HSD17B14: variants seen among roughly 807,000 people sequenced by gnomAD.
HSD17B14 encodes hydroxysteroid 17-beta dehydrogenase 14.
HSD17B14 carries 32 observed loss-of-function variants against 32.2 expected under a neutral mutation model. That is an observed-to-expected ratio of 0.99 (90% CI 0.75 to 1.33). The LOEUF (loss-of-function observed/expected upper bound fraction) is 1.33, where lower values mean the gene tolerates loss of function less well. Ranked by LOEUF, HSD17B14 falls within the 40% of genes most tolerant of loss-of-function variation. HSD17B14 has a pLI of 0.00. For missense variants in HSD17B14, 370 were observed against 366.5 expected (o/e 1.01, Z -0.08); for synonymous variants, 140 against 155.4 (o/e 0.90, Z 0.74).
chr19:48,827,366 T>G (rs1299174386), intron 5 of HSD17B14, among the ~76,000 whole-genome samples: 1 of 151,992 alleles, frequency 6.6e-6, no homozygotes, highest in Non-Finnish European at 1.5e-5. Context: ...TCTTCTGTTG[T>G]GTGTTCATAG....
chr19:48,813,316 G>A lies in HSD17B14; in HGVS notation c.672C>T (p.Val224=), dbSNP rs1446411364. The A allele has an allele frequency of 2.5e-6, 4 of 1,594,886 alleles. No individual in the cohort carries two copies. In the South Asian group the frequency reaches 3.4e-5, roughly 14 times the overall value. Residue 224 remains valine (V), a synonymous_variant, in exon 9 of 9, where the codon GTC becomes GTT. Transcript: ENST00000263278. ...AGGCCAGGAACACTGCCGCAGCCCC[G>A]ACCTCAGCGGGCTGGCCCATGCGGC... The part of the protein sequence containing the change: ...PLGRMGQPAE[V]GAAAVFLASE...
intron 2 of HSD17B14, 100 bp downstream of exon 2, chr19:48,835,705 G>C: frequency 5.8e-6 from 7 of 1,198,964 alleles, no homozygotes; most frequent in Non-Finnish European, 8.6e-6. Flanking sequence ...AGGGCCTGGG[G>C]GCCTGGACTC....
chr19:48,834,517 T>A (rs112701517), intron 2 of HSD17B14, among the ~76,000 whole-genome samples, 159 bp from the exon 3 acceptor site: 30 of 50,478 alleles, frequency 5.9e-4, no homozygotes, highest in South Asian at 9.7e-4. Flanking sequence ...TCTGAGGAAG[T>A]AGGGCCTGGG....
intron 4 of HSD17B14, 127 bp downstream of exon 4, chr19:48,832,539 C>G: frequency 1.2e-6 from 1 of 834,064 alleles, no homozygotes; most frequent in Non-Finnish European, 2.0e-6. Context: ...ACTCTCCTGT[C>G]CAAGTGGCTA....
chr19:48,831,247 C>T (rs1275522691), intron 5 of HSD17B14, among the ~76,000 whole-genome samples: 1 of 152,148 alleles, frequency 6.6e-6, no homozygotes, highest in Non-Finnish European at 1.5e-5. Flanking sequence ...TAGAGATTCG[C>T]AGTCATTTAT....
rs375735746 is a variant in HSD17B14 at position 48,821,170 on chromosome 19, G to A, written c.370-6029C>T. Among the ~76,000 whole-genome samples the A allele has an allele frequency of 5.9e-5, 9 of 151,916 alleles. No individual in the cohort carries two copies. The East Asian group carries it at 9.7e-4, about 16-fold the overall frequency. On this transcript the variant is annotated intron_variant, in intron 5 of 8. Transcript: ENST00000263278. Reference sequence around the variant, plus strand: ...TGGGACTACAGGCGCCCGCTACCACGCCCAGCTAATTTTTTGTATTTTTTA... The same window carrying A: ...TGGGACTACAGGCGCCCGCTACCACACCCAGCTAATTTTTTGTATTTTTTA...
intron 5 of HSD17B14, among the ~76,000 whole-genome samples, chr19:48,830,816 C>G (rs913789522): frequency 7.0e-6 from 1 of 142,210 alleles, no homozygotes; most frequent in Non-Finnish European, 1.5e-5. Flanking sequence ...AGCTACTGGA[C>G]CTGGCCTATT....
At chr19:48,818,327 A>G (rs1418501399) in intron 5 of HSD17B14, among the ~76,000 whole-genome samples, 1 of 150,574 alleles carries the variant, frequency 6.6e-6, no homozygotes, top group East Asian at 2.0e-4. Flanking sequence ...AGAAAAAAGA[A>G]AAAAGAAAAA....
intron 3 of HSD17B14, among the ~76,000 whole-genome samples, chr19:48,833,208 GGA>G (rs2035375889): frequency 6.6e-6 from 1 of 151,140 alleles, no homozygotes; most frequent in African/African-American, 2.4e-5. Flanking sequence ...CAGGCAAGCA[GGA>G]GACAGGAAGG....
chr19:48,829,797 C>T (rs1425974207), intron 5 of HSD17B14, among the ~76,000 whole-genome samples: 1 of 151,698 alleles, frequency 6.6e-6, no homozygotes, highest in Admixed American at 6.6e-5. Flanking sequence ...GCATGTGCCA[C>T]CACACCCGGC....
chr19:48,816,540 T>C (rs1274199901), intron 5 of HSD17B14, among the ~76,000 whole-genome samples: 8 of 152,216 alleles, frequency 5.3e-5, no homozygotes, highest in Middle Eastern at 6.8e-3. Flanking sequence ...GGACATGGTA[T>C]TTTCAGTCCA....
At chr19:48,814,790 A>G (rs2035022096) in intron 6 of HSD17B14, among the ~76,000 whole-genome samples, 1 of 151,102 alleles carries the variant, frequency 6.6e-6, no homozygotes, top group South Asian at 2.1e-4. Flanking sequence ...GTTGCAGCTG[A>G]GATTGCACCA....
chr19:48,831,660 G>A lies in HSD17B14; in HGVS notation c.369+8C>T. ...CTCGGGCCTGGCGGCAGGGTCGCCA[G>A]CCCTCACCTTGGTCAAGGTGTACGT... On this transcript the variant is annotated splice_region_variant and intron_variant, in intron 5 of 8. Coordinates refer to ENST00000263278, the MANE Select transcript of HSD17B14 (RefSeq NM_016246.3). 1 of 1,610,810 alleles carries A rather than the reference G, an allele frequency of 6.2e-7. No individual in the cohort carries two copies. The highest frequency in any genetic ancestry group is 1.1e-5 in the South Asian group (1 of 91,012).
chr19:48,813,408 C>T (rs547937390), intron 8 of HSD17B14, 48 bp downstream of exon 8: 7 of 1,562,690 alleles, frequency 4.5e-6, no homozygotes, highest in Admixed American at 1.9e-5. Context: ...GCCATGCCCC[C>T]CACCCCCATG....
intron 1 of HSD17B14, 56 bp from the exon 2 acceptor site, chr19:48,835,899 C>T: frequency 1.3e-6 from 2 of 1,561,724 alleles, no homozygotes; most frequent in Non-Finnish European, 1.8e-6. Context: ...GCCTCTGCCG[C>T]CCTCTTGTGG....
At chr19:48,827,008 A>G (rs563001898) in intron 5 of HSD17B14, among the ~76,000 whole-genome samples, 118 of 151,196 alleles carry the variant, frequency 7.8e-4, no homozygotes, top group Non-Finnish European at 1.5e-3. Context: ...TCAGTTGCTC[A>G]GTTGCTGGAG....
Position 48,813,459 on chromosome 19 carries a change from G to T in HSD17B14, c.636C>A (p.Ala212=). ...TGGATCTGAACCCCACTTCTACCTG[G>T]GCCAGCATGCCCTCTCGGATTGTGG... ...PRATIREGML[A]QPLGRMGQPA... is the part of the protein sequence containing the mutation. Residue 212 remains alanine (A), a synonymous_variant, in exon 8 of 9, where the codon GCC becomes GCA. Coordinates refer to ENST00000263278, the MANE Select transcript of HSD17B14 (RefSeq NM_016246.3). 1 of 1,610,058 alleles carries T rather than the reference G, an allele frequency of 6.2e-7. No homozygotes were observed. Among genetic ancestry groups the T allele is most frequent in the Non-Finnish European group, 8.5e-7 (1 of 1,178,298 alleles).
rs148594414 is a variant in HSD17B14 at position 48,823,485 on chromosome 19, C to T, written c.369+8183G>A. 4.6e-4 allele frequency among the ~76,000 whole-genome samples: 69 copies of T among 151,608 alleles called. 2 individuals are homozygous for T. The Middle Eastern group carries it at 0.014, about 30-fold the overall frequency. Reference sequence around the variant, plus strand: ...GTTTGGAAATGAACTGTCATTGTGTCGTAATATACTTTATAATACTTTGAC... The same window carrying T: ...GTTTGGAAATGAACTGTCATTGTGTTGTAATATACTTTATAATACTTTGAC... On this transcript the variant is annotated intron_variant, in intron 5 of 8. Transcript: ENST00000263278.
At chr19:48,819,051 C>G (rs1294124220) in intron 5 of HSD17B14, among the ~76,000 whole-genome samples, 1 of 152,150 alleles carries the variant, frequency 6.6e-6, no homozygotes, top group Non-Finnish European at 1.5e-5. Context: ...TGCAGTGGCA[C>G]GATCTCGGCT....
Sources: allele counts gnomAD v4.1 joint callset (sites outside exome capture counted in the v4.1 genomes callset), GRCh38; gene constraint gnomAD v4.1.1; transcripts MANE v1.5; gene names NCBI Gene and HGNC (gene_info 2026-07-23, HGNC 2026-07-21).